CNTNAP4: variants seen among roughly 807,000 people sequenced by gnomAD.
CNTNAP4 encodes contactin associated protein family member 4.
A neutral mutation model predicts 148.4 loss-of-function variants in CNTNAP4; 98 were observed. The ratio of observed to expected loss-of-function variants is 0.66; its 90% CI spans 0.56 to 0.78. The LOEUF (loss-of-function observed/expected upper bound fraction) is 0.78, where lower values mean the gene tolerates loss of function less well. Among genes scored for constraint, CNTNAP4 ranks in the 30% least tolerant of loss-of-function variants. The pLI is 0.00. For missense variants in CNTNAP4, 1,935 were observed against 1,565.6 expected, an observed-to-expected ratio of 1.24 and a Z score of -3.98; for synonymous variants, 730 against 565.1, an observed-to-expected ratio of 1.29 and a Z score of -4.14.
At chr16:76,314,051 G>A (rs559103752) in intron 1 of CNTNAP4, among the ~76,000 whole-genome samples, 27 of 152,190 alleles carry the variant, frequency 1.8e-4, no homozygotes, top group Admixed American at 1.2e-3. Context: ...ACTTTCCCTC[G>A]CTCTTTGTGC....
intron 3 of CNTNAP4, among the ~76,000 whole-genome samples, chr16:76,386,548 G>A (rs1041673620): frequency 6.6e-5 from 10 of 152,142 alleles, no homozygotes; most frequent in African/African-American, 2.4e-4. Context: ...GATAAGTACA[G>A]CTGATTACTG....
At chr16:76,538,926 TA>T (rs1388926007) in intron 19 of CNTNAP4, among the ~76,000 whole-genome samples, 1 of 152,024 alleles carries the variant, frequency 6.6e-6, no homozygotes, top group Non-Finnish European at 1.5e-5. Context: ...AGATTAAAGG[TA>T]AAAATTTTGG....
chr16:76,332,655 C>T (rs1963641942), intron 2 of CNTNAP4, among the ~76,000 whole-genome samples: 1 of 151,896 alleles, frequency 6.6e-6, no homozygotes, highest in African/African-American at 2.4e-5. Context: ...TCTGAGATTC[C>T]CATTATGCAT....
chr16:76,514,429 C>A (rs2083159638), intron 15 of CNTNAP4, among the ~76,000 whole-genome samples: 1 of 152,122 alleles, frequency 6.6e-6, no homozygotes, highest in Admixed American at 6.5e-5. Context: ...CAGTTTTGTG[C>A]AAAACTAGTA....
At chr16:76,450,600 G>A (rs761402797) in intron 7 of CNTNAP4, among the ~76,000 whole-genome samples, 5 of 152,150 alleles carry the variant, frequency 3.3e-5, no homozygotes, top group Non-Finnish European at 5.9e-5. Flanking sequence ...TAAAAGAGAC[G>A]AACAGACAAC....
At chr16:76,351,250 A>G (rs936583029) in intron 2 of CNTNAP4, among the ~76,000 whole-genome samples, 4 of 152,172 alleles carry the variant, frequency 2.6e-5, no homozygotes, top group African/African-American at 4.8e-5. Flanking sequence ...AAATATTACA[A>G]TAGTGTGTTT....
Position 76,467,348 on chromosome 16 carries a change from T to C in CNTNAP4, c.1484-4T>C. On this transcript the variant is annotated splice_polypyrimidine_tract_variant and splice_region_variant and intron_variant, in intron 9 of 23. Coordinates refer to ENST00000611870, the MANE Select transcript of CNTNAP4 (RefSeq NM_033401.5). ...GCGTACTGGATTTATTTCGTTTTTA[T>C]CAGGTTGTCCTGACAAAAGCTTTGG... 1.2e-6 allele frequency: 2 copies of C among 1,613,724 alleles called. No homozygotes were observed. The highest frequency in any genetic ancestry group is 1.7e-6 in the Non-Finnish European group (2 of 1,179,740).
At chr16:76,441,549 G>A (rs1326650912) in intron 4 of CNTNAP4, among the ~76,000 whole-genome samples, 4 of 152,034 alleles carry the variant, frequency 2.6e-5, no homozygotes, top group Non-Finnish European at 4.4e-5. Context: ...ATTCACTGAG[G>A]GGGAATCAGG....
intron 15 of CNTNAP4, among the ~76,000 whole-genome samples, chr16:76,516,661 T>C (rs2144056148): frequency 6.6e-6 from 1 of 152,398 alleles, no homozygotes; most frequent in South Asian, 2.1e-4. Flanking sequence ...GGTGTCCTTC[T>C]GCAGGTAGAT....
intron 3 of CNTNAP4, among the ~76,000 whole-genome samples, chr16:76,408,781 C>T (rs1207503635): frequency 6.6e-6 from 1 of 151,918 alleles, no homozygotes; most frequent in African/African-American, 2.4e-5. Flanking sequence ...CCAAAGACCT[C>T]AATATGATAC....
chr16:76,403,863 G>C (rs1309816034), intron 3 of CNTNAP4, among the ~76,000 whole-genome samples: 1 of 152,162 alleles, frequency 6.6e-6, no homozygotes, highest in African/African-American at 2.4e-5. Flanking sequence ...ATACTATGCA[G>C]CCATAAGAAA....
chr16:76,278,076 C>A (rs1166612412), intron 1 of CNTNAP4, among the ~76,000 whole-genome samples: 1 of 152,148 alleles, frequency 6.6e-6, no homozygotes, highest in Non-Finnish European at 1.5e-5. Context: ...ATCTTCATTT[C>A]TTCTTTTTTA....
chr16:76,498,041 CAT>C (rs745443643), intron 14 of CNTNAP4, among the ~76,000 whole-genome samples: 3 of 152,138 alleles, frequency 2.0e-5, no homozygotes, highest in Non-Finnish European at 1.5e-5. Flanking sequence ...CTATTTTTAA[CAT>C]ATGCTATATT....
At chr16:76,440,656 A>T (rs1393869207) in intron 4 of CNTNAP4, among the ~76,000 whole-genome samples, 1 of 152,112 alleles carries the variant, frequency 6.6e-6, no homozygotes. Context: ...TCATTTAGGG[A>T]CCTGTATTCC....
intron 3 of CNTNAP4, among the ~76,000 whole-genome samples, chr16:76,426,895 T>C (rs2079423656): frequency 1.3e-5 from 2 of 152,214 alleles, no homozygotes; most frequent in Non-Finnish European, 2.9e-5. Context: ...TGAATGTGTG[T>C]ATCTGGCATT....
chr16:76,495,808 C>T (rs1343319891), intron 14 of CNTNAP4, among the ~76,000 whole-genome samples: 1 of 151,906 alleles, frequency 6.6e-6, no homozygotes, highest in Non-Finnish European at 1.5e-5. Flanking sequence ...TTATTTTTAA[C>T]AAATATTCAT....
chr16:76,522,229 G>T lies in CNTNAP4; in HGVS notation c.2727G>T (p.Leu909=), dbSNP rs561127790. The change falls in exon 17 of 24, where the codon CTG becomes CTT. Residue 909 remains leucine (L), a synonymous_variant. Coordinates refer to ENST00000611870, the MANE Select transcript of CNTNAP4 (RefSeq NM_033401.5). ...TQPAPADGHV[L]LQLNSQLFVG... ...CCGCCCCCGCTGATGGGCATGTCCTGTTACAGCTCAACAGTCAGCTCTTCG... is the reference window on the plus strand; with the variant it reads ...CCGCCCCCGCTGATGGGCATGTCCTTTTACAGCTCAACAGTCAGCTCTTCG... 2 of 1,613,874 alleles carry T rather than the reference G, an allele frequency of 1.2e-6. No homozygotes were observed. Among genetic ancestry groups the T allele is most frequent in the South Asian group, 1.1e-5 (1 of 91,078 alleles).
At chr16:76,487,940 G>A (rs1425078566) in intron 12 of CNTNAP4, among the ~76,000 whole-genome samples, 1 of 152,144 alleles carries the variant, frequency 6.6e-6, no homozygotes, top group Non-Finnish European at 1.5e-5. Flanking sequence ...ATCCAGAAGG[G>A]AAAGAGACAA....
chr16:76,540,751 T>C lies in CNTNAP4; in HGVS notation c.3403T>C (p.Phe1135Leu). The change falls in exon 21 of 24, where the codon TTC becomes CTC. Residue 1135 changes from phenylalanine (F) to leucine (L), a missense_variant. Coordinates refer to ENST00000611870, the MANE Select transcript of CNTNAP4 (RefSeq NM_033401.5). ...RQVHLSSGTE[F>L]SAVKSLVLGR... ...AGTTCACCTGTCATCAGGCACAGAA[T>C]TCAGTGCAGTCAAATCTCTGGTATT... 1 of 1,577,564 alleles carries C rather than the reference T, an allele frequency of 6.3e-7. No individual in the cohort carries two copies. The highest frequency in any genetic ancestry group is 8.6e-7 in the Non-Finnish European group (1 of 1,159,724).
Sources: allele counts gnomAD v4.1 joint callset (sites outside exome capture counted in the v4.1 genomes callset), GRCh38; gene constraint gnomAD v4.1.1; transcripts MANE v1.5; gene names NCBI Gene and HGNC (gene_info 2026-07-23, HGNC 2026-07-21).